The following SYN3 variants were observed in gnomAD, a reference collection of about 807,000 sequenced individuals.
SYN3 encodes the protein synapsin-3.
In SYN3, 35 loss-of-function variants were observed where a neutral mutation model predicts 65.8. The ratio of observed to expected loss-of-function variants is 0.53; its 90% CI spans 0.41 to 0.70. SYN3 has a LOEUF of 0.70. Ranked by LOEUF, SYN3 falls within the 30% of genes least tolerant of loss-of-function variation. The pLI is 0.00. For synonymous variants in SYN3, 270 were observed against 292.9 expected, an observed-to-expected ratio of 0.92 and a Z score of 0.80; for missense variants, 680 against 749.0, an observed-to-expected ratio of 0.91 and a Z score of 1.08.
At chr22:32,535,423 TTTTTTAAAGCTTTTCA>T (rs1785071904) in intron 9 of SYN3, among the ~76,000 whole-genome samples, 1 of 152,190 alleles carries the variant, frequency 6.6e-6, no homozygotes, top group Non-Finnish European at 1.5e-5. Context: ...ATTTCTATAA[TTTTTTAAAGCTTTTCA>T]TGTGATTCTG....
chr22:32,565,871 C>T lies in SYN3; in HGVS notation c.775-24158G>A, dbSNP rs1601648159. 3.9e-5 allele frequency among the ~76,000 whole-genome samples: 6 copies of T among 152,164 alleles called. No individual in the cohort carries two copies. The South Asian group carries it at 1.2e-3, about 32-fold the overall frequency. ...GCGACTACAGGCACCCACCACCACG[C>T]CCAGCTAATTTTTTGTATTTCTAGT... On this transcript the variant is annotated intron_variant, in intron 7 of 13. Coordinates refer to ENST00000358763, the MANE Select transcript of SYN3 (RefSeq NM_003490.4).
intron 12 of SYN3, 36 bp from the exon 13 acceptor site, chr22:32,518,370 T>G (rs1277087293): frequency 6.2e-7 from 1 of 1,609,014 alleles, no homozygotes; most frequent in Non-Finnish European, 8.5e-7. Flanking sequence ...CAGTTCAATT[T>G]TTTTTCTTAG....
At chr22:32,532,640 C>T (rs1018399583) in intron 10 of SYN3, among the ~76,000 whole-genome samples, 1 of 122,052 alleles carries the variant, frequency 8.2e-6, no homozygotes, top group East Asian at 2.2e-4. Flanking sequence ...TGGGTGTGAA[C>T]ACCCTCCTGG....
chr22:32,620,016 A>G (rs983924944), intron 6 of SYN3, among the ~76,000 whole-genome samples: 2 of 152,208 alleles, frequency 1.3e-5, no homozygotes, highest in Non-Finnish European at 2.9e-5. Flanking sequence ...CTGACCACCA[A>G]TGGATGAATA....
intron 1 of SYN3, among the ~76,000 whole-genome samples, chr22:33,026,535 T>C (rs1358177404): frequency 2.0e-5 from 3 of 152,182 alleles, no homozygotes; most frequent in African/African-American, 4.8e-5. Context: ...AAATACAGTA[T>C]CTGACTGAAC....
chr22:32,890,330 C>T (rs535785519), intron 4 of SYN3, among the ~76,000 whole-genome samples: 25 of 152,078 alleles, frequency 1.6e-4, no homozygotes, highest in Non-Finnish European at 3.1e-4. Flanking sequence ...CCACCATAGC[C>T]TCCCCAAATG....
intron 1 of SYN3, among the ~76,000 whole-genome samples, chr22:33,012,046 G>A (rs1415734108): frequency 2.0e-5 from 3 of 151,922 alleles, no homozygotes; most frequent in South Asian, 2.1e-4. Flanking sequence ...ACTTATTTCT[G>A]TTTTTTATTA....
chr22:32,745,739 A>G (rs922456699), intron 6 of SYN3, among the ~76,000 whole-genome samples: 5 of 152,122 alleles, frequency 3.3e-5, no homozygotes, highest in Admixed American at 1.3e-4. Flanking sequence ...GCAGAGAAAA[A>G]CACAGAGGTG....
chr22:32,674,676 G>A (rs886989478), intron 6 of SYN3, among the ~76,000 whole-genome samples: 36 of 152,138 alleles, frequency 2.4e-4, no homozygotes, highest in African/African-American at 8.2e-4. Context: ...GTCTAAGATG[G>A]TGCAGATGAC....
At chr22:32,824,007 G>A (rs935387143) in intron 6 of SYN3, among the ~76,000 whole-genome samples, 4 of 152,100 alleles carry the variant, frequency 2.6e-5, no homozygotes, top group Admixed American at 1.3e-4. Flanking sequence ...GGCCAGGCGC[G>A]GTGACTCACG....
chr22:32,822,024 G>A (rs534133450), intron 6 of SYN3, among the ~76,000 whole-genome samples: 2 of 151,926 alleles, frequency 1.3e-5, no homozygotes, highest in African/African-American at 4.8e-5. Context: ...GCGTGGTGGC[G>A]CATGCCTGTA....
chr22:32,762,000 AC>A (rs767335191), intron 6 of SYN3, among the ~76,000 whole-genome samples: 26 of 152,294 alleles, frequency 1.7e-4, no homozygotes, highest in South Asian at 1.0e-3. Context: ...CCTGAGTGCC[AC>A]CTGTCCTTAG....
At chr22:32,592,379 G>A (rs778648869) in intron 7 of SYN3, among the ~76,000 whole-genome samples, 16 of 152,252 alleles carry the variant, frequency 1.1e-4, no homozygotes, top group Admixed American at 5.2e-4. Context: ...GACTTCTAAC[G>A]AACTTATGGT....
intron 6 of SYN3, among the ~76,000 whole-genome samples, chr22:32,600,916 A>G (rs1007197088): frequency 6.6e-6 from 1 of 152,106 alleles, no homozygotes; most frequent in Admixed American, 6.5e-5. Flanking sequence ...CGAACTCCTG[A>G]CCTCAGGTAA....
Position 32,510,007 on chromosome 22 carries a change from G to A in SYN3, c.*3685C>T, listed in dbSNP as rs373003381. 5.9e-5 allele frequency among the ~76,000 whole-genome samples: 9 copies of A among 152,192 alleles called. No individual in the cohort carries two copies. Among genetic ancestry groups the A allele is most frequent in the African/African-American group, 2.2e-4 (9 of 41,450 alleles). On this transcript the variant is annotated 3_prime_UTR_variant, in exon 14 of 14. Coordinates refer to ENST00000358763, the MANE Select transcript of SYN3 (RefSeq NM_003490.4). ...GGAGGTTCTGCGGCTGTTGTACACA[G>A]ATACTGGAGTATCTGGGAGATATCC...
chr22:32,563,811 A>T (rs1224432511), intron 7 of SYN3, among the ~76,000 whole-genome samples: 1 of 152,170 alleles, frequency 6.6e-6, no homozygotes, highest in African/African-American at 2.4e-5. Flanking sequence ...CTGGGATTAC[A>T]GGCATGCACC....
chr22:32,858,038 T>G (rs1162311366), intron 6 of SYN3: 1 of 1,614,146 alleles, frequency 6.2e-7, no homozygotes, highest in Non-Finnish European at 8.5e-7. Context: ...GATGGCAAGA[T>G]GTACACGGGG....
At chr22:32,554,144 G>C (rs2058457028) in intron 7 of SYN3, among the ~76,000 whole-genome samples, 2 of 152,188 alleles carry the variant, frequency 1.3e-5, no homozygotes, top group African/African-American at 4.8e-5. Flanking sequence ...GGTTGGAGAG[G>C]TGGTGTCTGG....
intron 6 of SYN3, among the ~76,000 whole-genome samples, chr22:32,691,773 G>A (rs1458717448): frequency 1.3e-5 from 2 of 152,030 alleles, no homozygotes; most frequent in Non-Finnish European, 2.9e-5. Context: ...GGGGCAGAGA[G>A]AGAGGGGCAA....
Sources: gnomAD v4.1 joint callset for allele counts (sites outside exome capture counted in the v4.1 genomes callset) on GRCh38, gnomAD v4.1.1 for gene constraint, MANE v1.5 for transcripts, NCBI Gene and HGNC (gene_info 2026-07-23, HGNC 2026-07-21) for gene names.